EYS: variants seen among roughly 807,000 people sequenced by gnomAD.
EYS encodes EGF-like photoreceptor maintenance factor.
EYS carries 250 observed loss-of-function variants against 282.1 expected under a neutral mutation model. That is an observed-to-expected ratio of 0.89 (90% CI 0.80 to 0.98). EYS has a LOEUF of 0.98. EYS is among the 50% of genes least tolerant of loss of function. The probability of loss-of-function intolerance (pLI) is 0.00; values close to 1 mark genes in which losing one functional copy is unlikely to be tolerated. For missense variants in EYS, 4,016 were observed against 3,709.0 expected, an observed-to-expected ratio of 1.08 and a Z score of -2.15; for synonymous variants, 1,355 against 1,282.9, an observed-to-expected ratio of 1.06 and a Z score of -1.20.
At chr6:64,981,752 A>C (rs1770674487) in intron 14 of EYS, among the ~76,000 whole-genome samples, 1 of 151,390 alleles carries the variant, frequency 6.6e-6, no homozygotes, top group Non-Finnish European at 1.5e-5. Flanking sequence ...AAGAAAATGC[A>C]GACCATTTTT....
At chr6:64,787,057 C>T (rs1163814887) in intron 22 of EYS, among the ~76,000 whole-genome samples, 4 of 152,180 alleles carry the variant, frequency 2.6e-5, no homozygotes, top group Admixed American at 6.5e-5. Flanking sequence ...TACTATTTCC[C>T]TCGCGCTTTT....
chr6:63,960,909 A>G (rs1200916522), intron 35 of EYS, among the ~76,000 whole-genome samples: 1 of 152,208 alleles, frequency 6.6e-6, no homozygotes, highest in Non-Finnish European at 1.5e-5. Context: ...GATTTATTGC[A>G]GTGGTCTGGA....
intron 13 of EYS, among the ~76,000 whole-genome samples, chr6:65,016,846 G>A (rs969596325): frequency 8.5e-5 from 13 of 152,190 alleles, no homozygotes; most frequent in African/African-American, 2.9e-4. Context: ...AAAGTTCTAT[G>A]AAAAGACAGT....
At chr6:63,972,550 T>TA (rs974295784) in intron 35 of EYS, among the ~76,000 whole-genome samples, 4 of 152,164 alleles carry the variant, frequency 2.6e-5, no homozygotes, top group African/African-American at 9.7e-5. Flanking sequence ...TCTTTTTTTT[T>TA]ATTATTATAC....
intron 22 of EYS, among the ~76,000 whole-genome samples, chr6:64,785,425 T>C (rs1056726641): frequency 2.8e-4 from 42 of 152,294 alleles, no homozygotes; most frequent in Admixed American, 2.6e-4. Context: ...TGTGAACAAA[T>C]TACCTAAGGT....
intron 26 of EYS, among the ~76,000 whole-genome samples, chr6:64,473,876 T>A (rs1562014580): frequency 6.6e-6 from 1 of 152,190 alleles, no homozygotes; most frequent in Non-Finnish European, 1.5e-5. Flanking sequence ...AAAAATTTTG[T>A]GCTGGAAAAA....
At chr6:64,148,496 C>A (rs1389424912) in intron 31 of EYS, among the ~76,000 whole-genome samples, 1 of 152,150 alleles carries the variant, frequency 6.6e-6, no homozygotes, top group African/African-American at 2.4e-5. Flanking sequence ...CCTATGATGG[C>A]AAATGTTGCC....
intron 23 of EYS, among the ~76,000 whole-genome samples, chr6:64,625,043 T>TAACTGGC (rs1447380551): frequency 6.6e-6 from 1 of 152,132 alleles, no homozygotes; most frequent in African/African-American, 2.4e-5. Flanking sequence ...CTCAATAACT[T>TAACTGGC]TTTTTAAGTG....
At chr6:63,772,433 T>G (rs1769954988) in intron 40 of EYS, among the ~76,000 whole-genome samples, 1 of 152,144 alleles carries the variant, frequency 6.6e-6, no homozygotes, top group Non-Finnish European at 1.5e-5. Flanking sequence ...AATTGTTCAT[T>G]TGGTTTATAT....
chr6:64,065,400 C>T (rs1051562882), intron 33 of EYS, among the ~76,000 whole-genome samples: 9 of 152,092 alleles, frequency 5.9e-5, no homozygotes, highest in Non-Finnish European at 8.8e-5. Context: ...TTGAGCTATA[C>T]TGATGAAAAA....
At chr6:65,550,033 G>C (rs1230865702) in intron 2 of EYS, among the ~76,000 whole-genome samples, 1 of 151,936 alleles carries the variant, frequency 6.6e-6, no homozygotes, top group African/African-American at 2.4e-5. Flanking sequence ...CAAATGACTA[G>C]ACAGATGCTT....
At chr6:64,663,273 A>T (rs1769108688) in intron 22 of EYS, among the ~76,000 whole-genome samples, 1 of 152,182 alleles carries the variant, frequency 6.6e-6, no homozygotes, top group Non-Finnish European at 1.5e-5. Context: ...ATAAGGGAAA[A>T]TTGCTCAGTT....
At chr6:65,267,335 A>G (rs1390168096) in intron 12 of EYS, among the ~76,000 whole-genome samples, 1 of 151,954 alleles carries the variant, frequency 6.6e-6, no homozygotes, top group African/African-American at 2.4e-5. Flanking sequence ...TGGGAAAATG[A>G]CTAATCGCAT....
Position 64,049,455 on chromosome 6 carries a change from A to G in EYS, c.6725+16883T>C, listed in dbSNP as rs140356363. Among the ~76,000 whole-genome samples the G allele has an allele frequency of 3.1e-3, 470 of 152,274 alleles. 1 individual carries two copies. The highest frequency in any genetic ancestry group is 0.011 in the African/African-American group (439 of 41,546). On this transcript the variant is annotated intron_variant, in intron 33 of 42. Transcript: ENST00000503581. ...TAATATTTTGGTGATTAACTTTTCT[A>G]TACTCCATAGCACCCAGCAGAGTAC... is the stretch of plus-strand genomic sequence containing the variant.
chr6:64,301,675 T>C (rs1427833793), intron 30 of EYS, among the ~76,000 whole-genome samples: 2 of 152,156 alleles, frequency 1.3e-5, no homozygotes, highest in African/African-American at 4.8e-5. Context: ...CAAATAGCCA[T>C]CTCTGATTAC....
At chr6:64,931,363 T>G (rs1768716899) in intron 15 of EYS, among the ~76,000 whole-genome samples, 1 of 152,114 alleles carries the variant, frequency 6.6e-6, no homozygotes, top group African/African-American at 2.4e-5. Flanking sequence ...CTTCACAAAG[T>G]TAAATAGGAT....
intron 8 of EYS, among the ~76,000 whole-genome samples, chr6:65,371,993 TAAA>T (rs5876961): frequency 4.3e-5 from 4 of 93,180 alleles, no homozygotes; most frequent in Admixed American, 1.3e-4. Context: ...AGGATAATTG[TAAA>T]AAAAAAAAAA....
At chr6:64,608,727 T>C (rs1703521706) in intron 24 of EYS, among the ~76,000 whole-genome samples, 1 of 152,168 alleles carries the variant, frequency 6.6e-6, no homozygotes, top group Non-Finnish European at 1.5e-5. Flanking sequence ...TATTCAGCCC[T>C]GACAGGGGCT....
rs1260312589 is a variant in EYS, at chr6:65,026,916, C to CAAAAAAAAAAAA, written c.2138-29225_2138-29214dup. Among the ~76,000 whole-genome samples, 87 of 107,792 alleles carry CAAAAAAAAAAAA rather than the reference C, an allele frequency of 8.1e-4. 6 individuals are homozygous for CAAAAAAAAAAAA. Among genetic ancestry groups the CAAAAAAAAAAAA allele is most frequent in the South Asian group, 1.5e-3 (5 of 3,366 alleles). The allele number at this position is 107,792 out of a possible 152,430, so 70.7% of individuals were successfully genotyped here. The stretch of plus-strand genomic sequence containing the variant: ...TGGGCGACAGAGTGAGACTCCGTCT[C>CAAAAAAAAAAAA]AAAAAAAAAAAAAAGATTCAGATAT... On this transcript the variant is annotated intron_variant, in intron 13 of 42. Coordinates refer to ENST00000503581, the MANE Select transcript of EYS (RefSeq NM_001142800.2).
Sources: allele counts gnomAD v4.1 joint callset (sites outside exome capture counted in the v4.1 genomes callset), GRCh38; gene constraint gnomAD v4.1.1; transcripts MANE v1.5; gene names NCBI Gene and HGNC (gene_info 2026-07-23, HGNC 2026-07-21).